ASPSCR1: variants seen among roughly 807,000 people sequenced by gnomAD.
The protein encoded by ASPSCR1 is ASPSCR1 tether for SLC2A4, UBX domain containing.
A neutral mutation model predicts 68.9 loss-of-function variants in ASPSCR1; 55 were observed. That is an observed-to-expected ratio of 0.80 (90% CI 0.64 to 1.00). The LOEUF is 1.00. Ranked by LOEUF, ASPSCR1 falls within the 50% of genes least tolerant of loss-of-function variation. ASPSCR1 has a pLI of 0.00. For missense variants in ASPSCR1, 765 were observed against 762.2 expected, an observed-to-expected ratio of 1.00 and a Z score of -0.04; for synonymous variants, 352 against 332.6, an observed-to-expected ratio of 1.06 and a Z score of -0.63.
Position 81,977,890 on chromosome 17 carries a change from C to T in ASPSCR1, c.102+142C>T, listed in dbSNP as rs1319800486. 1.8e-6 allele frequency: 1 copy of T among 542,040 alleles called. No individual in the cohort carries two copies. The highest frequency in any genetic ancestry group is 2.7e-6 in the Non-Finnish European group (1 of 376,270). 33.6% of individuals were successfully genotyped at this position (542,040 alleles called of 1,614,324 possible). ...GGCCTCCTGAGCGGCGGCCCCGCCC[C>T]CTGCTCGCCGTCACCTGCGCTTCCG... On this transcript the variant is annotated intron_variant, in intron 1 of 15. Transcript: ENST00000306739. The surrounding 1 kb of genome is among the most constrained non-coding windows in gnomAD (Gnocchi z 5.0).
intron 7 of ASPSCR1, chr17:82,008,439 A>G (rs966600006): frequency 6.6e-6 from 1 of 152,506 alleles, no homozygotes; most frequent in African/African-American, 2.4e-5. Context: ...CACGTACCCC[A>G]GCACTGTGCT....
At chr17:81,996,374 G>A in intron 6 of ASPSCR1, 46 bp from the exon 7 acceptor site, 1 of 1,534,210 alleles carries the variant, frequency 6.5e-7, no homozygotes, top group Non-Finnish European at 8.8e-7. Flanking sequence ...GGTGAGCCGG[G>A]GGTAGGCACC....
intron 2 of ASPSCR1, among the ~76,000 whole-genome samples, chr17:81,982,941 G>A (rs1383338123): frequency 3.3e-5 from 5 of 152,088 alleles, no homozygotes; most frequent in Non-Finnish European, 7.4e-5. Context: ...AGCCTCCCGA[G>A]TAGCTGGGAC....
At chr17:81,996,988 G>T (rs1174003321) in intron 7 of ASPSCR1, 142 bp downstream of exon 7, 2 of 1,479,994 alleles carry the variant, frequency 1.4e-6, no homozygotes, top group Admixed American at 2.3e-5. Flanking sequence ...CCAAACGCGG[G>T]GCTCTGGACA....
intron 4 of ASPSCR1, 145 bp from the exon 5 acceptor site, chr17:81,994,676 C>G (rs369989145): frequency 6.3e-6 from 5 of 794,334 alleles, no homozygotes; most frequent in Non-Finnish European, 6.1e-6. Context: ...GGTCTGTGGC[C>G]TGGGCCTGGG....
intron 7 of ASPSCR1, chr17:82,008,222 G>A (rs2042787761): frequency 6.6e-6 from 1 of 152,560 alleles, no homozygotes; most frequent in Non-Finnish European, 1.5e-5. Flanking sequence ...AGCAGCCCGT[G>A]GCTGGGTGGG....
At chr17:82,004,532 C>T (rs1432015740) in intron 7 of ASPSCR1, 3 of 152,432 alleles carry the variant, frequency 2.0e-5, no homozygotes, top group Non-Finnish European at 4.4e-5. Flanking sequence ...CCCGGCCACC[C>T]TCGGAGCCTG....
At chr17:81,979,068 G>T (rs1567949552) in intron 1 of ASPSCR1, 116 bp from the exon 2 acceptor site, 16 of 1,087,982 alleles carry the variant, frequency 1.5e-5, no homozygotes, top group Non-Finnish European at 1.5e-5. Context: ...GCTTGGCTTT[G>T]CCTGGGCAGA....
chr17:81,983,445 CG>C lies in ASPSCR1; in HGVS notation c.159-105del. 1.2e-6 allele frequency: 1 copy of C among 867,754 alleles called. No individual in the cohort carries two copies. 53.8% of individuals were successfully genotyped at this position (867,754 alleles called of 1,614,324 possible). A position where few individuals can be genotyped will look rare whatever the true frequency, so the allele number is the denominator to read the frequency against. On this transcript the variant is annotated intron_variant, in intron 2 of 15. Transcript: ENST00000306739. This position sits in a 1 kb window ranked among gnomAD's most constrained non-coding sequence, Gnocchi z 4.4. ...GGGAGCTGCCACAGGACGTGGATGG[CG>C]GGGCGTGGATGGCGGGGCGTGGATG...
Position 81,985,581 on chromosome 17 carries a change from G to A in ASPSCR1, c.348G>A (p.Glu116=). ...DSFCSGQTLW[E]LLSHFPQIRE... ...TCTGTTCAGGCCAGACCCTCTGGGA[G>A]CTTCTCAGCCATTTTCCACAGATCA... The change falls in exon 4 of 16, where the codon GAG becomes GAA. Residue 116 remains glutamate, a synonymous_variant. Transcript: ENST00000306739. 3.1e-6 allele frequency: 5 copies of A among 1,614,032 alleles called. No homozygotes were observed. The highest frequency in any genetic ancestry group is 2.5e-6 in the Non-Finnish European group (3 of 1,180,024).
At chr17:82,011,314 G>A (rs1347705648) in intron 10 of ASPSCR1, among the ~76,000 whole-genome samples, 1 of 152,114 alleles carries the variant, frequency 6.6e-6, no homozygotes, top group Non-Finnish European at 1.5e-5. Flanking sequence ...TGGGGCTGGG[G>A]GGCAGCGGGT....
At position 82,009,487 on chromosome 17, in the gene ASPSCR1, A is replaced by G; in HGVS notation, c.1090A>G (p.Lys364Glu). Residue 364 changes from lysine to glutamate, a missense_variant and splice_region_variant, in exon 9 of 16, where the codon AAG becomes GAG. Physicochemically the swap from Lys to Glu is moderately conservative, Grantham distance 56 (BLOSUM62 1). Transcript: ENST00000306739. The part of the protein sequence containing the change: ...RRLAQLKSER[K>E]RLEEAPLVTK... ...TGTTCCTTCCCCTCCTCACCACAGGAAGCGCCTGGAAGAAGCCCCCTTGGT... is the reference window on the plus strand; with the variant it reads ...TGTTCCTTCCCCTCCTCACCACAGGGAGCGCCTGGAAGAAGCCCCCTTGGT... 6.3e-7 allele frequency: 1 copy of G among 1,576,800 alleles called. No homozygotes were observed.
At chr17:81,981,527 C>A (rs879774972) in intron 2 of ASPSCR1, among the ~76,000 whole-genome samples, 1 of 151,612 alleles carries the variant, frequency 6.6e-6, no homozygotes, top group Non-Finnish European at 1.5e-5. Context: ...TACAGGCGTG[C>A]GCCATCATGC....
chr17:81,992,198 G>A (rs925806742), intron 4 of ASPSCR1, among the ~76,000 whole-genome samples: 3 of 152,232 alleles, frequency 2.0e-5, no homozygotes, highest in African/African-American at 7.2e-5. Flanking sequence ...GAGGCCCTGG[G>A]TCTTGCCCCT....
chr17:81,992,117 C>G (rs2042189333), intron 4 of ASPSCR1, among the ~76,000 whole-genome samples: 1 of 152,228 alleles, frequency 6.6e-6, no homozygotes, highest in Non-Finnish European at 1.5e-5. Context: ...CGGAAGCGCC[C>G]CAAAGCACTT....
chr17:81,988,315 G>A (rs2144019829), intron 4 of ASPSCR1, among the ~76,000 whole-genome samples: 1 of 152,120 alleles, frequency 6.6e-6, no homozygotes, highest in East Asian at 1.9e-4. Context: ...ACAAAAATTA[G>A]CTGGGCGCAA....
At position 82,016,470 on chromosome 17, in the gene ASPSCR1, C is replaced by T. The variant is rs201030136; in HGVS notation, c.1354-6C>T. 2.2e-5 allele frequency: 34 copies of T among 1,548,202 alleles called. No individual in the cohort carries two copies. The highest frequency in any genetic ancestry group is 1.7e-4 in the East Asian group (7 of 40,966). On this transcript the variant is annotated splice_polypyrimidine_tract_variant and splice_region_variant and intron_variant, in intron 12 of 15. Coordinates refer to ENST00000306739, the MANE Select transcript of ASPSCR1 (RefSeq NM_024083.4). ...CCGGCCCCTGAGCCCCCCGCCCTCC[C>T]TGCAGGCGAACCTCTTCCCGGCCGC...
At chr17:81,995,544 C>G in intron 5 of ASPSCR1, 1 of 292,506 alleles carries the variant, frequency 3.4e-6, no homozygotes, top group South Asian at 3.8e-5. Context: ...ACCCCTTCCT[C>G]ACAGGTCAGA....
chr17:81,996,165 G>T, intron 6 of ASPSCR1, 100 bp downstream of exon 6: 1 of 1,386,344 alleles, frequency 7.2e-7, no homozygotes, highest in Non-Finnish European at 9.6e-7. Flanking sequence ...GGGAGTAGGT[G>T]TACCCAGGCC....
Sources: allele counts gnomAD v4.1 joint callset (sites outside exome capture counted in the v4.1 genomes callset), GRCh38; gene constraint gnomAD v4.1.1; non-coding constraint Gnocchi (gnomAD v3.1); transcripts MANE v1.5; gene names NCBI Gene and HGNC (gene_info 2026-07-23, HGNC 2026-07-21).